Variants in RIN2 observed in about 807,000 individuals in gnomAD.
RIN2 encodes Ras and Rab interactor 2.
RIN2 carries 36 observed loss-of-function variants against 78.0 expected under a neutral mutation model. That is an observed-to-expected ratio of 0.46 (90% CI 0.35 to 0.61). RIN2 has a LOEUF of 0.61. RIN2 is among the 20% of genes least tolerant of loss of function. RIN2 has a pLI of 0.00. For synonymous variants in RIN2, 466 were observed against 466.8 expected (o/e 1.00, Z 0.02); for missense variants, 1,087 against 1,159.7 (o/e 0.94, Z 0.91).
intron 1 of RIN2, among the ~76,000 whole-genome samples, chr20:19,782,220 T>A (rs1375755551): frequency 1.3e-5 from 2 of 152,162 alleles, no homozygotes; most frequent in Non-Finnish European, 2.9e-5. Flanking sequence ...AGCCTATATG[T>A]TCCTTGCCAT....
chr20:19,815,862 T>C, intron 2 of RIN2, among the ~76,000 whole-genome samples: 1 of 152,252 alleles, frequency 6.6e-6, no homozygotes, highest in East Asian at 1.9e-4. Flanking sequence ...TGTTGTAGCA[T>C]CTTCCTTTGG....
intron 3 of RIN2, among the ~76,000 whole-genome samples, chr20:19,923,755 C>G (rs1190077230): frequency 6.6e-6 from 1 of 152,046 alleles, no homozygotes; most frequent in Non-Finnish European, 1.5e-5. Flanking sequence ...GGGTGGATGG[C>G]TTATTACCTT....
At chr20:19,826,200 CA>C (rs1245646737) in intron 2 of RIN2, among the ~76,000 whole-genome samples, 1 of 152,048 alleles carries the variant, frequency 6.6e-6, no homozygotes, top group Non-Finnish European at 1.5e-5. Context: ...TGACTATTTG[CA>C]TGAATACATT....
intron 3 of RIN2, among the ~76,000 whole-genome samples, chr20:19,896,550 A>G (rs2038738068): frequency 6.6e-6 from 1 of 152,174 alleles, no homozygotes; most frequent in Non-Finnish European, 1.5e-5. Context: ...TCACCTGCCC[A>G]CTGTCCAGTG....
At chr20:19,844,353 T>A (rs2036669236) in intron 2 of RIN2, among the ~76,000 whole-genome samples, 1 of 152,202 alleles carries the variant, frequency 6.6e-6, no homozygotes, top group African/African-American at 2.4e-5. Flanking sequence ...AATATAAACA[T>A]GATAAATAAT....
rs1400300735 is a variant in RIN2 at position 20,001,407 on chromosome 20, T to C, written c.*471T>C. 6.7e-6 allele frequency: 1 copy of C among 150,068 alleles called. No homozygotes were observed. Among genetic ancestry groups the C allele is most frequent in the African/African-American group, 2.4e-5 (1 of 41,120 alleles). The allele number at this position is 150,068 out of a possible 1,614,324, so 9.3% of individuals were successfully genotyped here. ...TTTTTTTACAAAGAGCCTTCATGTTTTTATATATTTCATAGAAATTTTTAT... is the reference window on the plus strand; with the variant it reads ...TTTTTTTACAAAGAGCCTTCATGTTCTTATATATTTCATAGAAATTTTTAT... On this transcript the variant is annotated 3_prime_UTR_variant, in exon 13 of 13. Coordinates refer to ENST00000255006, the MANE Select transcript of RIN2 (RefSeq NM_018993.4).
intron 3 of RIN2, among the ~76,000 whole-genome samples, chr20:19,926,552 C>T (rs989396468): frequency 7.9e-5 from 12 of 152,006 alleles, no homozygotes; most frequent in Non-Finnish European, 1.3e-4. Flanking sequence ...CACCAGGAGG[C>T]TCCTCAGCCA....
intron 2 of RIN2, among the ~76,000 whole-genome samples, chr20:19,874,061 GGTGTGTGTGT>G (rs60818960): frequency 6.7e-6 from 1 of 149,918 alleles, no homozygotes; most frequent in Non-Finnish European, 1.5e-5. Context: ...TTCACATTTT[GGTGTGTGTGT>G]GTGTGTGTGT....
chr20:19,974,089 T>C (rs1256206444), intron 8 of RIN2, among the ~76,000 whole-genome samples: 1 of 152,194 alleles, frequency 6.6e-6, no homozygotes, highest in Non-Finnish European at 1.5e-5. Context: ...CCCATGAATG[T>C]AGTTTTCCTC....
intron 2 of RIN2, among the ~76,000 whole-genome samples, chr20:19,857,597 T>A (rs1011888832): frequency 6.6e-6 from 1 of 152,206 alleles, no homozygotes; most frequent in East Asian, 1.9e-4. Flanking sequence ...ACCAACACCA[T>A]ATGAGAGTTC....
chr20:19,869,787 G>A (rs1205063603), intron 2 of RIN2, among the ~76,000 whole-genome samples: 6 of 93,158 alleles, frequency 6.4e-5, no homozygotes, highest in African/African-American at 2.7e-4. Flanking sequence ...ACCATGCCTG[G>A]CTAATTTTAT....
rs1471296765 is a variant in RIN2 at position 19,975,509 on chromosome 20, C to G, written c.1484C>G (p.Ser495Cys). 1 of 1,614,042 alleles carries G rather than the reference C, an allele frequency of 6.2e-7. No homozygotes were observed. Among genetic ancestry groups the G allele is most frequent in the South Asian group, 1.1e-5 (1 of 91,088 alleles). Residue 495 changes from serine (S) to cysteine (C), a missense_variant, in exon 9 of 13, where the codon TCC becomes TGC. By Grantham distance (112) the Ser-to-Cys change is moderately radical (BLOSUM62 -1). Around this residue, in one of 8 missense-constraint regions of RIN2, gnomAD observed 706 missense variants for 667.5 expected, o/e 1.06. Coordinates refer to ENST00000255006, the MANE Select transcript of RIN2 (RefSeq NM_018993.4). The surrounding 1 kb of genome is among the most constrained non-coding windows in gnomAD (Gnocchi z 4.9). ...TTCGTGCTGCCCAAGCTCGTCAAGTCCCAGCTGCAGAAGGTGAGCGGGGTG... is the reference window on the plus strand; with the variant it reads ...TTCGTGCTGCCCAAGCTCGTCAAGTGCCAGCTGCAGAAGGTGAGCGGGGTG... ...SSFVLPKLVK[S>C]QLQKVSGVFS...
At chr20:19,896,168 C>CT (rs1052398411) in intron 3 of RIN2, among the ~76,000 whole-genome samples, 24 of 151,962 alleles carry the variant, frequency 1.6e-4, no homozygotes, top group Middle Eastern at 3.2e-3. Flanking sequence ...TCAGTAATTT[C>CT]TTTTTTTATT....
intron 3 of RIN2, among the ~76,000 whole-genome samples, chr20:19,904,267 T>C (rs949602135): frequency 1.4e-4 from 21 of 147,562 alleles, no homozygotes; most frequent in African/African-American, 5.2e-4. Context: ...ATATAAAATA[T>C]ATATATATAT....
chr20:19,779,063 G>A (rs909656255), intron 1 of RIN2, among the ~76,000 whole-genome samples: 82 of 152,150 alleles, frequency 5.4e-4, no homozygotes, highest in African/African-American at 1.9e-3. Context: ...GTGATCCCAC[G>A]AGAGCAATAA....
Position 19,859,118 on chromosome 20 carries a change from TA to T in RIN2, c.-36-30447del, listed in dbSNP as rs1278809170. On this transcript the variant is annotated intron_variant, in intron 2 of 12. Coordinates refer to ENST00000255006, the MANE Select transcript of RIN2 (RefSeq NM_018993.4). ...CCAGGCCCTTCCAGGGGGTCATACT[TA>T]GAATGTTGGGACTACATTGATGAAT... Among the ~76,000 whole-genome samples the T allele has an allele frequency of 1.5e-4, 23 of 152,268 alleles. No homozygotes were observed. The East Asian group carries it at 4.1e-3, about 27-fold the overall frequency.
At chr20:19,837,602 T>C (rs1256436693) in intron 2 of RIN2, among the ~76,000 whole-genome samples, 3 of 152,220 alleles carry the variant, frequency 2.0e-5, no homozygotes, top group Admixed American at 6.5e-5. Context: ...ATAAGTTAAG[T>C]ATATTATCTT....
intron 3 of RIN2, among the ~76,000 whole-genome samples, chr20:19,931,095 A>G (rs1352984255): frequency 6.6e-6 from 1 of 152,130 alleles, no homozygotes; most frequent in Admixed American, 6.5e-5. Context: ...CAAAATAAAT[A>G]CATAAATAAA....
chr20:19,902,103 A>G (rs573946302), intron 3 of RIN2, among the ~76,000 whole-genome samples: 1 of 152,064 alleles, frequency 6.6e-6, no homozygotes, highest in East Asian at 1.9e-4. Flanking sequence ...AACTTATTTA[A>G]TCCTCACAAT....
Sources: allele counts gnomAD v4.1 joint callset (sites outside exome capture counted in the v4.1 genomes callset), GRCh38; gene constraint gnomAD v4.1.1; regional missense constraint gnomAD v4.1.1; non-coding constraint Gnocchi (gnomAD v3.1); transcripts MANE v1.5; gene names NCBI Gene and HGNC (gene_info 2026-07-23, HGNC 2026-07-21).